GPATCH2L: variants seen among roughly 807,000 people sequenced by gnomAD.
GPATCH2L encodes the protein G-patch domain containing 2 like.
A neutral mutation model predicts 57.4 loss-of-function variants in GPATCH2L; 31 were observed. The observed-to-expected ratio is 0.54, with a 90% CI of 0.41 to 0.73. GPATCH2L has a LOEUF of 0.73. GPATCH2L is among the 30% of genes least tolerant of loss of function. GPATCH2L has a pLI of 0.00. For missense variants in GPATCH2L, 481 were observed against 599.9 expected (o/e 0.80, Z 2.07); for synonymous variants, 199 against 210.7 (o/e 0.94, Z 0.48).
chr14:76,155,195 T>G (rs2038247821), intron 2 of GPATCH2L, among the ~76,000 whole-genome samples, 170 bp downstream of exon 2: 1 of 152,208 alleles, frequency 6.6e-6, no homozygotes, highest in African/African-American at 2.4e-5. Context: ...CATTCATGAG[T>G]CTATTTCCCT....
Position 76,154,620 on chromosome 14 carries a change from G to T in GPATCH2L, c.257G>T (p.Ser86Ile). 6.2e-7 allele frequency: 1 copy of T among 1,614,234 alleles called. No homozygotes were observed. Among genetic ancestry groups the T allele is most frequent in the Non-Finnish European group, 8.5e-7 (1 of 1,180,042 alleles). ...GAAGTGGCTCCGGTGACCAATTTTA[G>T]TGACTCTGATGACACAATGGTAGCC... The part of the protein sequence containing the change: ...CREVAPVTNF[S>I]DSDDTMVAKR... Residue 86 changes from serine to isoleucine, a missense_variant, in exon 2 of 10, where the codon AGT becomes ATT. Coordinates refer to ENST00000261530, the MANE Select transcript of GPATCH2L (RefSeq NM_017926.4). This position sits in a 1 kb window ranked among gnomAD's most constrained non-coding sequence, Gnocchi z 4.4.
chr14:76,222,954 C>CAAAAAAAAAAAAAAAAAGAAA (rs2040522145), intron 1 of GPATCH2L, among the ~76,000 whole-genome samples: 1 of 113,518 alleles, frequency 8.8e-6, no homozygotes, highest in Non-Finnish European at 1.7e-5. Flanking sequence ...AGACTGTGTT[C>CAAAAAAAAAAAAAAAAAGAAA]AAAAAAAAAA....
chr14:76,200,146 A>G (rs2040273251), intron 9 of GPATCH2L, among the ~76,000 whole-genome samples: 1 of 152,158 alleles, frequency 6.6e-6, no homozygotes, highest in Non-Finnish European at 1.5e-5. Flanking sequence ...AAAGGAACAT[A>G]GTGGTTGCCA....
rs541924887 is a variant in GPATCH2L, at chr14:76,178,355, C to T, written c.1107+313C>T. On this transcript the variant is annotated intron_variant, in intron 7 of 9. Transcript: ENST00000261530. ...TGCTTTGGGTGAAGTGGGGTCAAAG[C>T]CTTAGAGCAGTGGTCCCCAACCTTA... 51 of 889,906 alleles carry T rather than the reference C, an allele frequency of 5.7e-5. No homozygotes were observed. In the Middle Eastern group the frequency reaches 1.0e-3, roughly 18 times the overall value. 55.1% of individuals were successfully genotyped at this position (889,906 alleles called of 1,614,324 possible). A position where few individuals can be genotyped will look rare whatever the true frequency, so the allele number is the denominator to read the frequency against.
At position 76,154,450 on chromosome 14, in the gene GPATCH2L, G is replaced by T. The variant is rs764220915; in HGVS notation, c.87G>T (p.Ala29=). Residue 29 remains alanine, a synonymous_variant, in exon 2 of 10, where the codon GCG becomes GCT. Coordinates refer to ENST00000261530, the MANE Select transcript of GPATCH2L (RefSeq NM_017926.4). The surrounding 1 kb of genome is among the most constrained non-coding windows in gnomAD (Gnocchi z 4.4). ...NKLGELWEEM[A]LSPRQQRRQL... The stretch of plus-strand genomic sequence containing the variant: ...TTGGTGAACTGTGGGAGGAGATGGC[G>T]CTGAGCCCCCGACAGCAGAGGCGGC... The T allele has an allele frequency of 1.2e-5, 19 of 1,614,042 alleles. No homozygotes were observed. The East Asian group carries it at 3.3e-4, about 28-fold the overall frequency.
rs113056124 is a variant in GPATCH2L, at chr14:76,177,999, C to T, written c.1064C>T (p.Ala355Val). ...TTCCTTTTCTTTAGAAAGAATAAAGCGTTGGCTTCTGATTTTCCTCACATT... is the reference window on the plus strand; with the variant it reads ...TTCCTTTTCTTTAGAAAGAATAAAGTGTTGGCTTCTGATTTTCCTCACATT... ...SDPRQKEKNK[A>V]LASDFPHISA... Residue 355 changes from alanine to valine, a missense_variant, in exon 7 of 10, where the codon GCG (alanine) becomes GTG (valine). By Grantham distance (64) the Ala-to-Val change is moderately conservative. Around this residue, in one of 3 missense-constraint regions of GPATCH2L, gnomAD observed 248 missense variants for 270.5 expected, o/e 0.92. Transcript: ENST00000261530. The T allele has an allele frequency of 1.3e-4, 207 of 1,603,832 alleles. No individual in the cohort carries two copies. The highest frequency in any genetic ancestry group is 1.6e-4 in the Non-Finnish European group (190 of 1,170,960).
At chr14:76,163,671 T>C (rs2139602387) in intron 2 of GPATCH2L, among the ~76,000 whole-genome samples, 2 of 152,324 alleles carry the variant, frequency 1.3e-5, no homozygotes, top group African/African-American at 4.8e-5. Flanking sequence ...TCATTTGCAT[T>C]TGTGTATTGC....
chr14:76,171,583 CAA>C (rs148301751), intron 3 of GPATCH2L, among the ~76,000 whole-genome samples: 29,346 of 150,816 alleles, frequency 0.19, 3,035 homozygotes, highest in African/African-American at 0.26. Flanking sequence ...AATCCATCCC[CAA>C]AAAAATAAAA....
chr14:76,162,420 C>T (rs989795908), intron 2 of GPATCH2L, among the ~76,000 whole-genome samples: 2 of 152,162 alleles, frequency 1.3e-5, no homozygotes, highest in Non-Finnish European at 2.9e-5. Context: ...CTCGTATAAC[C>T]TAATTGCAGA....
intron 1 of GPATCH2L, among the ~76,000 whole-genome samples, chr14:76,222,152 A>AAAG (rs1205346569): frequency 2.6e-5 from 4 of 152,216 alleles, no homozygotes; most frequent in Non-Finnish European, 5.9e-5. Context: ...AAAATAGAAA[A>AAAG]AAGGCACAGA....
chr14:76,218,441 A>T (rs2040498491), downstream of GPATCH2L, among the ~76,000 whole-genome samples: 2 of 152,100 alleles, frequency 1.3e-5, no homozygotes, highest in African/African-American at 4.8e-5. Context: ...ATAGCACAAA[A>T]CATAAATGAT....
chr14:76,223,904 T>C (rs1015077992), intron 1 of GPATCH2L, among the ~76,000 whole-genome samples: 4 of 152,154 alleles, frequency 2.6e-5, no homozygotes, highest in African/African-American at 9.7e-5. Flanking sequence ...TCCTAGACAG[T>C]TAAAAACTTA....
chr14:76,186,967 T>G (rs2039788620), intron 8 of GPATCH2L, among the ~76,000 whole-genome samples: 1 of 152,054 alleles, frequency 6.6e-6, no homozygotes, highest in South Asian at 2.1e-4. Context: ...TTAGTGGAAT[T>G]GCTAGGATCG....
At chr14:76,233,344 T>G (rs74069134) in intron 2 of GPATCH2L, among the ~76,000 whole-genome samples, 1 of 152,204 alleles carries the variant, frequency 6.6e-6, no homozygotes, top group East Asian at 1.9e-4. Context: ...TTGTCATTTT[T>G]AAAAAATTCT....
rs2039108626 is a variant in GPATCH2L, at chr14:76,172,011, C to T, written c.896C>T (p.Ala299Val). The change falls in exon 4 of 10, where the codon GCT becomes GTT. Residue 299 changes from alanine to valine, a missense_variant. By Grantham distance (64) the Ala-to-Val change is moderately conservative (BLOSUM62 0). Transcript: ENST00000261530. ...ACATTCCTTTTACCTTCTCGGCCAG[C>T]TCAAAGAGGTGAGTTCTGAGGAGAC... is the stretch of plus-strand genomic sequence containing the variant. ...DSTFLLPSRP[A>V]QRGYHTRLNR... is the part of the protein sequence containing the mutation. 6.2e-7 allele frequency: 1 copy of T among 1,605,432 alleles called. No homozygotes were observed. The highest frequency in any genetic ancestry group is 1.3e-5 in the African/African-American group (1 of 74,530).
In GPATCH2L at chr14:76,211,896, C is replaced by T. The variant is rs991460077; in HGVS notation, c.*10045C>T. ...TATGAGTTTTGGGCCAACATTTTTCCTGAACAGCTTCTGACTGACCAGCAT... is the reference window on the plus strand; with the variant it reads ...TATGAGTTTTGGGCCAACATTTTTCTTGAACAGCTTCTGACTGACCAGCAT... On this transcript the variant is annotated 3_prime_UTR_variant, in exon 10 of 10. Coordinates refer to ENST00000261530, the MANE Select transcript of GPATCH2L (RefSeq NM_017926.4). 2.0e-5 allele frequency: 3 copies of T among 152,118 alleles called. No individual in the cohort carries two copies. The highest frequency in any genetic ancestry group is 6.6e-5 in the Admixed American group (1 of 15,260). The allele number at this position is 152,118 out of a possible 1,614,324, so 9.4% of individuals were successfully genotyped here. A position where few individuals can be genotyped will look rare whatever the true frequency, so the allele number is the denominator to read the frequency against.
At chr14:76,224,708 C>G (rs574789107) in intron 1 of GPATCH2L, among the ~76,000 whole-genome samples, 2 of 152,226 alleles carry the variant, frequency 1.3e-5, no homozygotes, top group Non-Finnish European at 2.9e-5. Context: ...AAAGAAGTTA[C>G]AGACTGCAAA....
At chr14:76,160,427 G>C (rs2038527242) in intron 2 of GPATCH2L, among the ~76,000 whole-genome samples, 1 of 152,064 alleles carries the variant, frequency 6.6e-6, no homozygotes, top group Admixed American at 6.6e-5. Context: ...TATTGCTACA[G>C]AAAAAAATCG....
At chr14:76,195,393 CAG>C (rs771768383) in intron 8 of GPATCH2L, among the ~76,000 whole-genome samples, 22 of 152,058 alleles carry the variant, frequency 1.4e-4, no homozygotes, top group Non-Finnish European at 2.9e-4. Context: ...TTAAAAGTCA[CAG>C]AAACTAAACT....
Sources: gnomAD v4.1 joint callset for allele counts (sites outside exome capture counted in the v4.1 genomes callset) on GRCh38, gnomAD v4.1.1 for gene constraint, gnomAD v4.1.1 regional missense constraint, Gnocchi (gnomAD v3.1) non-coding constraint, MANE v1.5 for transcripts, NCBI Gene and HGNC (gene_info 2026-07-23, HGNC 2026-07-21) for gene names.